RSPH3: variants seen among roughly 807,000 people sequenced by gnomAD.
The protein encoded by RSPH3 is radial spoke head 3.
Under a neutral mutation model 43.8 loss-of-function variants are expected in RSPH3, and 21 were observed. The observed-to-expected ratio is 0.48, with a 90% CI of 0.34 to 0.69. The LOEUF (loss-of-function observed/expected upper bound fraction) is 0.69. Among genes scored for constraint, RSPH3 ranks in the 30% least tolerant of loss-of-function variants. The probability of loss-of-function intolerance (pLI) is 0.01; values close to 1 mark genes in which losing one functional copy is unlikely to be tolerated. For missense variants in RSPH3, 487 were observed against 516.0 expected (o/e 0.94, Z 0.54); for synonymous variants, 173 against 179.8 (o/e 0.96, Z 0.30).
chr6:158,977,454 A>G lies in RSPH3; in HGVS notation c.*84T>C, dbSNP rs1777879913. ...ACTGACTAAATACAACATAATTTCTATAACCTGAGGGGACTCGCACATCAT... is the reference window on the plus strand; with the variant it reads ...ACTGACTAAATACAACATAATTTCTGTAACCTGAGGGGACTCGCACATCAT... On this transcript the variant is annotated 3_prime_UTR_variant, in exon 8 of 8. Coordinates refer to ENST00000367069, the MANE Select transcript of RSPH3 (RefSeq NM_031924.8). The G allele has an allele frequency of 3.3e-6, 4 of 1,209,388 alleles. No individual in the cohort carries two copies. In the African/African-American group the frequency reaches 6.1e-5, roughly 18 times the overall value. 74.9% of individuals were successfully genotyped at this position (1,209,388 alleles called of 1,614,324 possible).
Position 158,993,419 on chromosome 6 carries a change from T to G in RSPH3, c.204+420A>C, listed in dbSNP as rs184878258. On this transcript the variant is annotated intron_variant, in intron 2 of 7. Coordinates refer to ENST00000367069, the MANE Select transcript of RSPH3 (RefSeq NM_031924.8). ...GCGTGAGCCACCGCGCCCGGCCAAC[T>G]GGGGCTTGCTTTTTTTTTTTTTTTT... is the stretch of plus-strand genomic sequence containing the variant. 6.7e-3 allele frequency among the ~76,000 whole-genome samples: 989 copies of G among 147,148 alleles called. 9 individuals are homozygous for G. The highest frequency in any genetic ancestry group is 0.023 in the African/African-American group (936 of 40,154).
Position 158,976,814 on chromosome 6 carries a change from CTTTT to C in RSPH3, c.*720_*723del, listed in dbSNP as rs140774791. The C allele has an allele frequency of 6.6e-6, 1 of 152,246 alleles. No homozygotes were observed. Among genetic ancestry groups the C allele is most frequent in the Admixed American group, 6.6e-5 (1 of 15,206 alleles). The allele number at this position is 152,246 out of a possible 1,614,324, so 9.4% of individuals were successfully genotyped here. A position where few individuals can be genotyped will look rare whatever the true frequency, so the allele number is the denominator to read the frequency against. ...AGCACAACGTTTAGGCATTCTCTCT[CTTTT>C]TTTTCTTTTTTTTTTGAGACGGAGT... On this transcript the variant is annotated 3_prime_UTR_variant, in exon 8 of 8. Transcript: ENST00000367069.
At chr6:158,998,297 CAAAAAAAA>C (rs71297000) in intron 1 of RSPH3, among the ~76,000 whole-genome samples, 1 of 53,922 alleles carries the variant, frequency 1.9e-5, no homozygotes, top group Non-Finnish European at 3.6e-5. Context: ...TAAAAAAATA[CAAAAAAAA>C]AAAAAAAAAA....
the RSPH3 span, among the ~76,000 whole-genome samples, chr6:158,963,354 C>A: frequency 6.9e-6 from 1 of 144,370 alleles, no homozygotes; most frequent in Non-Finnish European, 1.5e-5. Flanking sequence ...TCCTTCCTTT[C>A]TTTCTTTCAG....
chr6:158,998,200 C>T (rs935756139), intron 1 of RSPH3, among the ~76,000 whole-genome samples: 9 of 145,786 alleles, frequency 6.2e-5, no homozygotes, highest in Admixed American at 3.5e-4. Context: ...GCCTGTAATC[C>T]CAGCATTTTG....
At chr6:158,980,624 A>T (rs891316058) in intron 6 of RSPH3, 150 bp downstream of exon 6, 8 of 606,912 alleles carry the variant, frequency 1.3e-5, no homozygotes, top group Non-Finnish European at 2.0e-5. Flanking sequence ...CATCTCATTA[A>T]CAACTGTACT....
intron 6 of RSPH3, among the ~76,000 whole-genome samples, chr6:158,978,741 A>G (rs1451833294): frequency 2.0e-5 from 3 of 152,058 alleles, no homozygotes; most frequent in African/African-American, 7.2e-5. Context: ...GGGTTTCACC[A>G]TGTTGGCCAG....
chr6:158,984,475 T>TATATATATATATATATATA (rs1778158106), intron 3 of RSPH3, among the ~76,000 whole-genome samples: 3 of 133,596 alleles, frequency 2.2e-5, no homozygotes, highest in East Asian at 2.3e-4. Context: ...TATATATATA[T>TATATATATATATATATATA]TTGAGTCCTA....
chr6:158,996,781 C>T lies in RSPH3; in HGVS notation c.116+2654G>A, dbSNP rs189686083. Among the ~76,000 whole-genome samples, 294 of 152,282 alleles carry T rather than the reference C, an allele frequency of 1.9e-3. 2 individuals carry two copies. The highest frequency in any genetic ancestry group is 6.6e-3 in the African/African-American group (274 of 41,536). Reference sequence around the variant, plus strand: ...TTGGATATGGTCATTTAGTTACTCACCAGCAAGTACTAAAAGTACTGCTGT... The same window carrying T: ...TTGGATATGGTCATTTAGTTACTCATCAGCAAGTACTAAAAGTACTGCTGT... On this transcript the variant is annotated intron_variant, in intron 1 of 7. Coordinates refer to ENST00000367069, the MANE Select transcript of RSPH3 (RefSeq NM_031924.8).
chr6:158,963,901 AT>A, the RSPH3 span, among the ~76,000 whole-genome samples: 1 of 152,188 alleles, frequency 6.6e-6, no homozygotes, highest in Non-Finnish European at 1.5e-5. Context: ...AATAGCCTCA[AT>A]AAAATAAAAT....
At chr6:158,993,428 C>CT (rs369613942) in intron 2 of RSPH3, among the ~76,000 whole-genome samples, 5,461 of 117,872 alleles carry the variant, frequency 0.046, 276 homozygotes, top group African/African-American at 0.14. Context: ...CTGGGGCTTG[C>CT]TTTTTTTTTT....
chr6:158,979,072 GC>G (rs1418853418), intron 6 of RSPH3, among the ~76,000 whole-genome samples: 1 of 152,164 alleles, frequency 6.6e-6, no homozygotes, highest in East Asian at 1.9e-4. Context: ...CAGTGAGAGG[GC>G]ATTTGAGGAG....
Position 158,977,212 on chromosome 6 carries a change from T to TAA in RSPH3, c.*324_*325dup. The TAA allele has an allele frequency of 3.9e-6, 1 of 254,978 alleles. No homozygotes were observed. Among genetic ancestry groups the TAA allele is most frequent in the Non-Finnish European group, 7.4e-6 (1 of 134,850 alleles). The allele number at this position is 254,978 out of a possible 1,614,324, so 15.8% of individuals were successfully genotyped here. On this transcript the variant is annotated 3_prime_UTR_variant, in exon 8 of 8. Transcript: ENST00000367069. ...ATTGAACATTAAATATCATACTTAC[T>TAA]AAAAAAAACTAACCCGCAAAATTAG... is the stretch of plus-strand genomic sequence containing the variant.
chr6:158,983,515 TAAA>T, intron 4 of RSPH3, 144 bp downstream of exon 4: 1 of 705,808 alleles, frequency 1.4e-6, no homozygotes, highest in Non-Finnish European at 2.5e-6. Flanking sequence ...TACTATATGA[TAAA>T]ACCATTATAG....
intron 5 of RSPH3, among the ~76,000 whole-genome samples, chr6:158,981,758 T>G (rs954757194): frequency 6.6e-6 from 1 of 152,182 alleles, no homozygotes; most frequent in Non-Finnish European, 1.5e-5. Context: ...TTTCACAGCA[T>G]AGTAAGTTAG....
At chr6:158,985,816 CT>C (rs1192708843) in intron 3 of RSPH3, among the ~76,000 whole-genome samples, 155 of 127,328 alleles carry the variant, frequency 1.2e-3, no homozygotes, top group Middle Eastern at 3.9e-3. Context: ...CTCTCTCTCT[CT>C]TTTTTTTTTT....
chr6:158,977,929 GATT>G (rs1777905043), intron 7 of RSPH3, 81 bp from the exon 8 acceptor site: 1 of 1,265,094 alleles, frequency 7.9e-7, no homozygotes, highest in Non-Finnish European at 1.1e-6. Context: ...ACTTATAGAT[GATT>G]ACAAAAACCT....
downstream of RSPH3, among the ~76,000 whole-genome samples, chr6:158,972,198 T>C (rs1777701351): frequency 2.0e-5 from 3 of 152,318 alleles, no homozygotes; most frequent in African/African-American, 7.2e-5. Flanking sequence ...AACAATGTTA[T>C]TGGCTAAGCA....
intron 1 of RSPH3, among the ~76,000 whole-genome samples, chr6:158,996,553 T>G (rs765300166): frequency 3.9e-5 from 6 of 152,214 alleles, no homozygotes; most frequent in Non-Finnish European, 5.9e-5. Context: ...TTAAGTTTCA[T>G]TTTTTGGTTT....
Sources: gnomAD v4.1 joint callset for allele counts (sites outside exome capture counted in the v4.1 genomes callset) on GRCh38, gnomAD v4.1.1 for gene constraint, MANE v1.5 for transcripts, NCBI Gene and HGNC (gene_info 2026-07-23, HGNC 2026-07-21) for gene names.